Variants in ZFAT observed in about 807,000 individuals in gnomAD.
The protein encoded by ZFAT is zinc finger and AT-hook domain containing, also known as zinc finger protein ZFAT.
A neutral mutation model predicts 117.7 loss-of-function variants in ZFAT; 64 were observed. That is an observed-to-expected ratio of 0.54 (90% CI 0.44 to 0.67). The LOEUF (loss-of-function observed/expected upper bound fraction) is 0.67. ZFAT is among the 30% of genes least tolerant of loss of function. The probability of loss-of-function intolerance (pLI) is 0.00; values close to 1 mark genes in which losing one functional copy is unlikely to be tolerated. For missense variants in ZFAT, 1,433 were observed against 1,584.5 expected (o/e 0.90, Z 1.62); for synonymous variants, 679 against 615.0 (o/e 1.10, Z -1.54).
At chr8:134,786,177 C>G in the ZFAT span, among the ~76,000 whole-genome samples, 2 of 152,176 alleles carry the variant, frequency 1.3e-5, no homozygotes. Context: ...TTCAAATAAA[C>G]AATGATCTTG....
chr8:134,526,316 T>C (rs1198973443), intron 12 of ZFAT, among the ~76,000 whole-genome samples: 1 of 152,210 alleles, frequency 6.6e-6, no homozygotes, highest in Non-Finnish European at 1.5e-5. Context: ...AATGAAAATA[T>C]GTAATCTAGA....
chr8:134,721,489 G>A, the ZFAT span, among the ~76,000 whole-genome samples: 4 of 152,276 alleles, frequency 2.6e-5, no homozygotes, highest in Admixed American at 6.5e-5. Context: ...AGCTGCACTC[G>A]GGTGTTTATA....
intron 4 of ZFAT, 111 bp from the exon 5 acceptor site, chr8:134,608,990 C>G: frequency 7.8e-7 from 1 of 1,281,338 alleles, no homozygotes; most frequent in Non-Finnish European, 1.0e-6. Context: ...CTGTCTGATA[C>G]CCACGCAAGA....
chr8:134,550,394 A>T (rs1823070118), intron 11 of ZFAT, among the ~76,000 whole-genome samples: 1 of 151,890 alleles, frequency 6.6e-6, no homozygotes, highest in Admixed American at 6.6e-5. Context: ...CGAAGCACAA[A>T]CCTATCTTGG....
chr8:134,726,126 G>A, the ZFAT span, among the ~76,000 whole-genome samples: 1 of 151,998 alleles, frequency 6.6e-6, no homozygotes, highest in South Asian at 2.1e-4. Context: ...TGGGTCCGCA[G>A]CAACGTGATT....
At chr8:134,605,948 C>T (rs1032367550) in intron 5 of ZFAT, among the ~76,000 whole-genome samples, 1 of 152,174 alleles carries the variant, frequency 6.6e-6, no homozygotes, top group Non-Finnish European at 1.5e-5. Context: ...AACGGCCGGA[C>T]ACTCTGAGAG....
intron 14 of ZFAT, chr8:134,510,304 A>C (rs1819725031): frequency 1.0e-5 from 4 of 390,354 alleles, no homozygotes; most frequent in South Asian, 3.7e-5. Flanking sequence ...ATCATCAGGC[A>C]GCTATTTAGT....
intron 2 of ZFAT, among the ~76,000 whole-genome samples, chr8:134,645,743 G>T (rs1830848916): frequency 6.6e-6 from 1 of 151,998 alleles, no homozygotes. Context: ...TAAAATCTGG[G>T]CATCAGCCAG....
the ZFAT span, among the ~76,000 whole-genome samples, chr8:134,825,253 G>A: frequency 6.6e-6 from 1 of 152,110 alleles, no homozygotes; most frequent in Non-Finnish European, 1.5e-5. Context: ...TAATCCCAGG[G>A]AAAAGGCATA....
At chr8:134,791,862 T>C in the ZFAT span, among the ~76,000 whole-genome samples, 7 of 152,312 alleles carry the variant, frequency 4.6e-5, no homozygotes, top group East Asian at 1.9e-4. Flanking sequence ...TGAAAAAGCT[T>C]TGTCTTTGTG....
chr8:134,701,428 G>T (rs1834005169), intron 1 of ZFAT, among the ~76,000 whole-genome samples: 1 of 152,080 alleles, frequency 6.6e-6, no homozygotes, highest in African/African-American at 2.4e-5. Flanking sequence ...CCCTTAGTTT[G>T]TTCCCAAGTT....
In ZFAT at chr8:134,622,650, C is replaced by A. The variant is rs114985264; in HGVS notation, c.449-11995G>T. Among the ~76,000 whole-genome samples, 1,042 of 152,284 alleles carry A rather than the reference C, an allele frequency of 6.8e-3. 10 individuals are homozygous for A. Among genetic ancestry groups the A allele is most frequent in the African/African-American group, 0.022 (933 of 41,552 alleles). On this transcript the variant is annotated intron_variant, in intron 3 of 15. Coordinates refer to ENST00000377838, the MANE Select transcript of ZFAT (RefSeq NM_020863.4). ...CACGTCGCCCCTCCCCCCTCTCCAC[C>A]CAGCTCCCAAGGCTGACCAGTAAGG...
intron 15 of ZFAT, among the ~76,000 whole-genome samples, chr8:134,482,434 C>A (rs571410497): frequency 5.3e-4 from 80 of 152,248 alleles, no homozygotes; most frequent in Non-Finnish European, 9.3e-4. Flanking sequence ...AAGGAAGGCA[C>A]AAAAGGTTTT....
chr8:134,722,536 C>A, the ZFAT span, among the ~76,000 whole-genome samples: 3 of 152,198 alleles, frequency 2.0e-5, no homozygotes, highest in African/African-American at 7.2e-5. Context: ...TGTAGCACAG[C>A]TGGTCCAAAA....
At chr8:134,829,040 A>C in the ZFAT span, among the ~76,000 whole-genome samples, 1 of 152,188 alleles carries the variant, frequency 6.6e-6, no homozygotes, top group Admixed American at 6.5e-5. Context: ...TCCTAGTGAG[A>C]GTGTCTGACA....
Position 134,488,389 on chromosome 8 carries a change from C to T in ZFAT, c.3493-9668G>A, listed in dbSNP as rs117074270. 3.0e-3 allele frequency among the ~76,000 whole-genome samples: 453 copies of T among 152,308 alleles called. 3 individuals are homozygous for T. Among genetic ancestry groups the T allele is most frequent in the South Asian group, 4.8e-3 (23 of 4,820 alleles). On this transcript the variant is annotated intron_variant, in intron 15 of 15. Transcript: ENST00000377838. ...GCTAGACTGGAAAGCTGTCACTCTCCTTGGGTGGAGTTAGGAACGTGAAGT... is the reference window on the plus strand; with the variant it reads ...GCTAGACTGGAAAGCTGTCACTCTCTTTGGGTGGAGTTAGGAACGTGAAGT...
the ZFAT span, among the ~76,000 whole-genome samples, chr8:134,807,438 GA>G: frequency 6.6e-5 from 10 of 151,496 alleles, no homozygotes; most frequent in African/African-American, 7.3e-5. Context: ...AAATATTCTG[GA>G]AAAAAAACCC....
At chr8:134,725,647 G>A in the ZFAT span, among the ~76,000 whole-genome samples, 3 of 152,086 alleles carry the variant, frequency 2.0e-5, no homozygotes, top group East Asian at 1.9e-4. Flanking sequence ...ACAATTCAAC[G>A]TGAGATTTGG....
chr8:134,550,532 T>A (rs1461771739), intron 11 of ZFAT, among the ~76,000 whole-genome samples: 1 of 152,198 alleles, frequency 6.6e-6, no homozygotes, highest in African/African-American at 2.4e-5. Flanking sequence ...TAACAGTAAA[T>A]CAATCCACAC....
Sources: gnomAD v4.1 joint callset for allele counts (sites outside exome capture counted in the v4.1 genomes callset) on GRCh38, gnomAD v4.1.1 for gene constraint, MANE v1.5 for transcripts, NCBI Gene and HGNC (gene_info 2026-07-23, HGNC 2026-07-21) for gene names.